ST6GALNAC5: variants seen among roughly 807,000 people sequenced by gnomAD.
ST6GALNAC5 encodes the protein ST6 N-acetylgalactosaminide alpha-2,6-sialyltransferase 5, also known as alpha-N-acetylgalactosaminide alpha-2,6-sialyltransferase 5.
A neutral mutation model predicts 33.6 loss-of-function variants in ST6GALNAC5; 27 were observed. The ratio of observed to expected loss-of-function variants is 0.80; its 90% CI spans 0.59 to 1.11. ST6GALNAC5 has a LOEUF of 1.11. ST6GALNAC5 is among the 50% of genes least tolerant of loss of function. The pLI, the probability that ST6GALNAC5 is intolerant of heterozygous loss-of-function variation, is 0.00. For synonymous variants in ST6GALNAC5, 194 were observed against 171.2 expected (o/e 1.13, Z -1.04); for missense variants, 428 against 454.0 (o/e 0.94, Z 0.52).
At chr1:76,918,764 A>G (rs921721169) in intron 2 of ST6GALNAC5, among the ~76,000 whole-genome samples, 1 of 152,122 alleles carries the variant, frequency 6.6e-6, no homozygotes, top group South Asian at 2.1e-4. Flanking sequence ...ACAGCAACAC[A>G]AATAACTCTT....
At position 76,998,581 on chromosome 1, in the gene ST6GALNAC5, G is replaced by A. The variant is rs12403058; in HGVS notation, c.262-45623G>A. ...AGAAGCAGAATGTAAAGCATTATTT[G>A]CAGGAAAAGAAAGCCTAGTTTCCTT... On this transcript the variant is annotated intron_variant, in intron 2 of 4. Coordinates refer to ENST00000477717, the MANE Select transcript of ST6GALNAC5 (RefSeq NM_030965.3). 1.2e-3 allele frequency among the ~76,000 whole-genome samples: 178 copies of A among 152,230 alleles called. 1 individual carries two copies. Among genetic ancestry groups the A allele is most frequent in the Admixed American group, 9.6e-3 (146 of 15,284 alleles).
intron 2 of ST6GALNAC5, among the ~76,000 whole-genome samples, chr1:77,041,531 A>G (rs894311079): frequency 2.0e-5 from 3 of 152,156 alleles, no homozygotes; most frequent in African/African-American, 2.4e-5. Flanking sequence ...CCTCTTCATC[A>G]TTTATGTATG....
In ST6GALNAC5 at chr1:77,037,671, AT is replaced by A. The variant is rs545995301; in HGVS notation, c.262-6532del. Among the ~76,000 whole-genome samples the A allele has an allele frequency of 9.8e-4, 149 of 152,332 alleles. No homozygotes were observed. In the Middle Eastern group the frequency reaches 0.021, roughly 21 times the overall value. On this transcript the variant is annotated intron_variant, in intron 2 of 4. Transcript: ENST00000477717. ...AGGTGAGTGACATAATTTGATTTAC[AT>A]ATTAAAGGGGACCCTAGGATCTACA...
chr1:77,001,601 C>T (rs1650168387), intron 2 of ST6GALNAC5, among the ~76,000 whole-genome samples: 1 of 151,760 alleles, frequency 6.6e-6, no homozygotes, highest in Non-Finnish European at 1.5e-5. Flanking sequence ...CCAGTTTTTG[C>T]CCATTCAGTA....
chr1:76,990,913 A>G (rs897042753), intron 2 of ST6GALNAC5, among the ~76,000 whole-genome samples: 6 of 152,160 alleles, frequency 3.9e-5, no homozygotes, highest in African/African-American at 1.4e-4. Flanking sequence ...TGGAGGGGCT[A>G]AATGGCACAG....
chr1:76,982,296 A>G (rs951158414), intron 2 of ST6GALNAC5, among the ~76,000 whole-genome samples: 1 of 152,216 alleles, frequency 6.6e-6, no homozygotes, highest in African/African-American at 2.4e-5. Flanking sequence ...TAACTAGAAT[A>G]AACAGTAAAG....
intron 2 of ST6GALNAC5, among the ~76,000 whole-genome samples, chr1:76,882,878 C>T (rs903099563): frequency 5.9e-5 from 9 of 152,218 alleles, no homozygotes; most frequent in Non-Finnish European, 1.0e-4. Context: ...TCCAACCCTA[C>T]CCCCACCACT....
chr1:76,895,890 C>T (rs919838767), intron 2 of ST6GALNAC5, among the ~76,000 whole-genome samples: 5 of 152,168 alleles, frequency 3.3e-5, no homozygotes, highest in African/African-American at 1.2e-4. Flanking sequence ...GGGCTGTACG[C>T]TGTAGCATTC....
chr1:76,947,807 C>T (rs927765980), intron 2 of ST6GALNAC5, among the ~76,000 whole-genome samples: 1 of 152,026 alleles, frequency 6.6e-6, no homozygotes, highest in African/African-American at 2.4e-5. Flanking sequence ...AAAATGTGGG[C>T]ATATGTATAA....
At chr1:76,891,629 G>A (rs1239932821) in intron 2 of ST6GALNAC5, among the ~76,000 whole-genome samples, 1 of 152,040 alleles carries the variant, frequency 6.6e-6, no homozygotes, top group Non-Finnish European at 1.5e-5. Flanking sequence ...TATACTTTTG[G>A]TGTCTTATCT....
At chr1:76,903,110 G>C (rs1196895081) in intron 2 of ST6GALNAC5, among the ~76,000 whole-genome samples, 2 of 152,070 alleles carry the variant, frequency 1.3e-5, no homozygotes, top group African/African-American at 4.8e-5. Context: ...ACAACCCATG[G>C]AATAAGAGAA....
At position 76,868,654 on chromosome 1, in the gene ST6GALNAC5, C is replaced by A. The variant is rs759767889; in HGVS notation, c.173C>A (p.Pro58Gln). The A allele has an allele frequency of 1.9e-6, 3 of 1,597,052 alleles. No individual in the cohort carries two copies. In the South Asian group the frequency reaches 3.3e-5, roughly 18 times the overall value. ...QQASATGSSQPAAESSTQQRP... is the reference protein window; with the variant it reads ...QQASATGSSQQAAESSTQQRP... ...GCGTCGGCCACCGGCAGCTCGCAGC[C>A]GGCGGCGGAGAGCAGCACCCAGCAG... is the stretch of plus-strand genomic sequence containing the variant. The change falls in exon 2 of 5, where the codon CCG becomes CAG. Residue 58 changes from proline (P) to glutamine (Q), a missense_variant. Pro to Gln is a moderately conservative substitution (Grantham distance 76, BLOSUM62 -1). Transcript: ENST00000477717. The surrounding 1 kb of genome is among the most constrained non-coding windows in gnomAD (Gnocchi z 4.3).
intron 2 of ST6GALNAC5, among the ~76,000 whole-genome samples, chr1:76,869,514 G>A (rs558049858): frequency 6.6e-6 from 1 of 152,190 alleles, no homozygotes; most frequent in South Asian, 2.1e-4. Flanking sequence ...AAATGTATCC[G>A]CCATTATTTG....
chr1:76,896,821 T>G (rs982224583), intron 2 of ST6GALNAC5, among the ~76,000 whole-genome samples: 9 of 152,134 alleles, frequency 5.9e-5, no homozygotes, highest in Non-Finnish European at 1.0e-4. Flanking sequence ...TTGTGATTTT[T>G]AGGGCCTCTA....
chr1:76,885,038 G>T (rs999133269), intron 2 of ST6GALNAC5, among the ~76,000 whole-genome samples: 1 of 152,132 alleles, frequency 6.6e-6, no homozygotes, highest in Admixed American at 6.5e-5. Context: ...CATGCTGATG[G>T]TATCTCAATC....
At chr1:76,948,349 C>G (rs1302145995) in intron 2 of ST6GALNAC5, among the ~76,000 whole-genome samples, 1 of 152,168 alleles carries the variant, frequency 6.6e-6, no homozygotes, top group Non-Finnish European at 1.5e-5. Context: ...TTAAGCTCAT[C>G]TGGCTTAACA....
intron 2 of ST6GALNAC5, among the ~76,000 whole-genome samples, chr1:76,958,523 T>G (rs554097662): frequency 1.8e-3 from 235 of 132,914 alleles, no homozygotes; most frequent in Middle Eastern, 4.2e-3. Flanking sequence ...TGATTCTGTG[T>G]AGACAGCAAT....
At chr1:76,890,731 T>C (rs1478182987) in intron 2 of ST6GALNAC5, among the ~76,000 whole-genome samples, 1 of 152,092 alleles carries the variant, frequency 6.6e-6, no homozygotes. Context: ...TATGGTTAAT[T>C]TAGAAATGCA....
chr1:77,020,751 TG>T (rs1651021691), intron 2 of ST6GALNAC5, among the ~76,000 whole-genome samples: 1 of 152,152 alleles, frequency 6.6e-6, no homozygotes, highest in Non-Finnish European at 1.5e-5. Context: ...ACCCCACACT[TG>T]GTAATTGTTC....
Sources: allele counts gnomAD v4.1 joint callset (sites outside exome capture counted in the v4.1 genomes callset), GRCh38; gene constraint gnomAD v4.1.1; non-coding constraint Gnocchi (gnomAD v3.1); transcripts MANE v1.5; gene names NCBI Gene and HGNC (gene_info 2026-07-23, HGNC 2026-07-21).